MGMT: variants seen among roughly 807,000 people sequenced by gnomAD.
MGMT encodes methylated-DNA--protein-cysteine methyltransferase.
Under a neutral mutation model 15.9 loss-of-function variants are expected in MGMT, and 14 were observed. The observed-to-expected ratio is 0.88, with a 90% CI of 0.58 to 1.37. The LOEUF (loss-of-function observed/expected upper bound fraction) is 1.37. Ranked by LOEUF, MGMT falls within the 40% of genes most tolerant of loss-of-function variation. MGMT has a pLI of 0.00. For synonymous variants in MGMT, 130 were observed against 118.2 expected, an observed-to-expected ratio of 1.10 and a Z score of -0.65; for missense variants, 282 against 268.1, an observed-to-expected ratio of 1.05 and a Z score of -0.36.
chr10:129,700,492 G>GTGC (rs1479273705), intron 2 of MGMT: 1 of 152,186 alleles, frequency 6.6e-6, no homozygotes, highest in African/African-American at 2.4e-5. Flanking sequence ...GAAGGCGGAA[G>GTGC]TGCTGTTTCT....
In MGMT at chr10:129,744,743, G is replaced by A. The variant is rs551531590; in HGVS notation, c.275-14459G>A. On this transcript the variant is annotated intron_variant, in intron 3 of 4. Transcript: ENST00000651593. ...GGACCACAGACCACAGGAGCTCCTG[G>A]CCCGCCACATCGCCAGCCGTGTGCG... Among the ~76,000 whole-genome samples the A allele has an allele frequency of 1.7e-4, 26 of 152,316 alleles. No homozygotes were observed. The East Asian group carries it at 5.0e-3, about 30-fold the overall frequency.
intron 3 of MGMT, among the ~76,000 whole-genome samples, chr10:129,744,831 C>T (rs1589972524): frequency 6.6e-6 from 1 of 152,216 alleles, no homozygotes; most frequent in Admixed American, 6.5e-5. Context: ...TCTGTAGGCC[C>T]TGGTTGTGTT....
At chr10:129,568,081 A>G (rs879898906) in intron 2 of MGMT, among the ~76,000 whole-genome samples, 1 of 152,226 alleles carries the variant, frequency 6.6e-6, no homozygotes, top group Non-Finnish European at 1.5e-5. Flanking sequence ...ATGCAAACCA[A>G]CCATTAAAAA....
At chr10:129,716,407 G>T (rs1450778376) in intron 3 of MGMT, among the ~76,000 whole-genome samples, 1 of 152,180 alleles carries the variant, frequency 6.6e-6, no homozygotes, top group East Asian at 1.9e-4. Context: ...AGTCTTCCAC[G>T]TGTGGATGTG....
intron 1 of MGMT, among the ~76,000 whole-genome samples, chr10:129,517,030 C>G (rs1168560900): frequency 1.3e-5 from 2 of 152,194 alleles, no homozygotes; most frequent in African/African-American, 2.4e-5. Context: ...AAACTGGTGT[C>G]CAGCAGTCAG....
intron 3 of MGMT, among the ~76,000 whole-genome samples, chr10:129,748,495 C>A (rs1215034479): frequency 6.6e-6 from 1 of 152,060 alleles, no homozygotes; most frequent in Non-Finnish European, 1.5e-5. Flanking sequence ...TATTTCCTGT[C>A]CCAGTCCTAG....
chr10:129,539,717 A>G (rs764378575), intron 2 of MGMT, among the ~76,000 whole-genome samples: 12 of 152,184 alleles, frequency 7.9e-5, no homozygotes, highest in Non-Finnish European at 1.5e-4. Context: ...TGTGTTAGCC[A>G]GGATGGTCTC....
chr10:129,579,531 G>T (rs555493005), intron 2 of MGMT, among the ~76,000 whole-genome samples: 10 of 152,262 alleles, frequency 6.6e-5, no homozygotes, highest in Non-Finnish European at 1.5e-4. Context: ...TTGGAAGGAC[G>T]TTAAGGCAGG....
rs772267284 is a variant in MGMT, at chr10:129,757,202, T to C, written c.275-2000T>C. ...GAGAAACTGACAATGAAGCTGAACA[T>C]GTTTGATAAACTCTGTGCTCATCTA... is the stretch of plus-strand genomic sequence containing the variant. On this transcript the variant is annotated intron_variant, in intron 3 of 4. Transcript: ENST00000651593. Among the ~76,000 whole-genome samples, 36 of 152,370 alleles carry C rather than the reference T, an allele frequency of 2.4e-4. No individual in the cohort carries two copies. In the South Asian group the frequency reaches 3.5e-3, roughly 15 times the overall value.
chr10:129,536,160 T>TA (rs1845981094), intron 1 of MGMT, 81 bp from the exon 2 acceptor site: 1 of 1,455,396 alleles, frequency 6.9e-7, no homozygotes, highest in South Asian at 1.2e-5. Context: ...GTGTCTTAAA[T>TA]AACCAGTACT....
At chr10:129,543,857 G>A (rs1008558991) in intron 2 of MGMT, among the ~76,000 whole-genome samples, 32 of 152,322 alleles carry the variant, frequency 2.1e-4, no homozygotes, top group African/African-American at 7.5e-4. Flanking sequence ...GAAAAGAATG[G>A]TTGAATGACA....
intron 2 of MGMT, among the ~76,000 whole-genome samples, chr10:129,588,501 C>T (rs1473056050): frequency 6.6e-6 from 1 of 152,106 alleles, no homozygotes; most frequent in Non-Finnish European, 1.5e-5. Context: ...CCTCTGAGTA[C>T]CTTGTTGTCC....
chr10:129,524,582 C>CTTTTTTT (rs66701664), intron 1 of MGMT, among the ~76,000 whole-genome samples: 1 of 68,058 alleles, frequency 1.5e-5, no homozygotes, highest in African/African-American at 4.9e-5. Flanking sequence ...TCCAAAAAGA[C>CTTTTTTT]TTTTTTTTTT....
At chr10:129,716,648 G>A (rs1194595546) in intron 3 of MGMT, among the ~76,000 whole-genome samples, 2 of 152,166 alleles carry the variant, frequency 1.3e-5, no homozygotes, top group African/African-American at 2.4e-5. Context: ...AATAAAATAT[G>A]CAAGAACCAA....
chr10:129,601,101 A>G (rs1314505451), intron 2 of MGMT, among the ~76,000 whole-genome samples: 5 of 141,982 alleles, frequency 3.5e-5, no homozygotes, highest in Admixed American at 1.4e-4. Context: ...TTTTTTTTTT[A>G]GCTCAAAAAC....
chr10:129,604,665 G>A (rs533867610), intron 2 of MGMT, among the ~76,000 whole-genome samples: 2 of 152,284 alleles, frequency 1.3e-5, no homozygotes, highest in Non-Finnish European at 2.9e-5. Context: ...CTTGGGAGTT[G>A]GGGGCTGCAG....
intron 2 of MGMT, among the ~76,000 whole-genome samples, chr10:129,605,815 G>C (rs1475293423): frequency 6.6e-6 from 1 of 152,096 alleles, no homozygotes; most frequent in Non-Finnish European, 1.5e-5. Context: ...TACTCAACTG[G>C]TATGTGCTTG....
intron 2 of MGMT, among the ~76,000 whole-genome samples, chr10:129,706,195 C>T (rs899332783): frequency 2.6e-5 from 4 of 152,204 alleles, no homozygotes; most frequent in African/African-American, 9.7e-5. Flanking sequence ...CCCGAGGCCT[C>T]CACTCTGCGT....
At chr10:129,631,884 A>G (rs986027448) in intron 2 of MGMT, among the ~76,000 whole-genome samples, 9 of 152,204 alleles carry the variant, frequency 5.9e-5, no homozygotes, top group African/African-American at 1.7e-4. Context: ...ACTATTATTT[A>G]TGTTTTATCA....
Sources: gnomAD v4.1 joint callset for allele counts (sites outside exome capture counted in the v4.1 genomes callset) on GRCh38, gnomAD v4.1.1 for gene constraint, MANE v1.5 for transcripts, NCBI Gene and HGNC (gene_info 2026-07-23, HGNC 2026-07-21) for gene names.